Variants in UPP2 observed in about 807,000 individuals in gnomAD.
The protein encoded by UPP2 is UPase 2.
UPP2 carries 23 observed loss-of-function variants against 26.7 expected under a neutral mutation model. The ratio of observed to expected loss-of-function variants is 0.86; its 90% CI spans 0.62 to 1.22. UPP2 has a LOEUF of 1.22. Among genes scored for constraint, UPP2 ranks in the 50% most tolerant of loss-of-function variants. UPP2 has a pLI of 0.00. For missense variants in UPP2, 387 were observed against 396.7 expected (o/e 0.98, Z 0.21); for synonymous variants, 127 against 141.3 (o/e 0.90, Z 0.72).
chr2:158,049,309 T>A (rs993504939), intron 3 of UPP2, among the ~76,000 whole-genome samples: 2 of 152,140 alleles, frequency 1.3e-5, no homozygotes, highest in Non-Finnish European at 2.9e-5. Context: ...GGTGTGTGCA[T>A]CTGTCAGTGG....
At chr2:158,006,112 C>A (rs542100276) in intron 2 of UPP2, among the ~76,000 whole-genome samples, 2 of 152,276 alleles carry the variant, frequency 1.3e-5, no homozygotes, top group African/African-American at 4.8e-5. Context: ...CCTACAAACA[C>A]CATTTTATGG....
At chr2:158,050,574 G>C (rs1682135631) in intron 3 of UPP2, among the ~76,000 whole-genome samples, 1 of 152,086 alleles carries the variant, frequency 6.6e-6, no homozygotes, top group Non-Finnish European at 1.5e-5. Context: ...GAGGCGGGAA[G>C]ATCCCTTGAG....
chr2:158,090,327 C>G (rs1262987961), intron 3 of UPP2, among the ~76,000 whole-genome samples: 1 of 152,102 alleles, frequency 6.6e-6, no homozygotes, highest in Admixed American at 6.5e-5. Flanking sequence ...CGGTGAAACC[C>G]TGTCTCTACT....
At chr2:158,060,071 TTTGTG>T (rs1239253411) in intron 3 of UPP2, among the ~76,000 whole-genome samples, 7 of 152,230 alleles carry the variant, frequency 4.6e-5, no homozygotes, top group Admixed American at 4.6e-4. Flanking sequence ...CCACATCTGA[TTTGTG>T]TGTGTGCGTG....
In UPP2 at chr2:158,052,593, G is replaced by A. The variant is rs115052459; in HGVS notation, c.147+36707G>A. Among the ~76,000 whole-genome samples, 979 of 152,268 alleles carry A rather than the reference G, an allele frequency of 6.4e-3. 18 individuals are homozygous for A. The highest frequency in any genetic ancestry group is 0.022 in the African/African-American group (931 of 41,562). On this transcript the variant is annotated intron_variant, in intron 3 of 9. Coordinates refer to the UPP2 transcript ENST00000605860. ...AACAAACTTAGGAGTGACATTGGTTGCCATATATTAGCTCTGTCACTTTGA... is the reference window on the plus strand; with the variant it reads ...AACAAACTTAGGAGTGACATTGGTTACCATATATTAGCTCTGTCACTTTGA...
chr2:158,063,189 A>T (rs1329552767), intron 3 of UPP2, among the ~76,000 whole-genome samples: 1 of 151,936 alleles, frequency 6.6e-6, no homozygotes, highest in East Asian at 1.9e-4. Flanking sequence ...CACATCACTC[A>T]CCTGTCCTCT....
At chr2:158,130,355 G>C (rs1683788689) in intron 6 of UPP2, among the ~76,000 whole-genome samples, 1 of 151,796 alleles carries the variant, frequency 6.6e-6, no homozygotes, top group African/African-American at 2.4e-5. Context: ...GGAGGCTGAG[G>C]GAGGAGAATG....
Position 158,063,127 on chromosome 2 carries a change from T to C in UPP2, c.148-38913T>C, listed in dbSNP as rs191085262. Reference sequence around the variant, plus strand: ...TTTCTTGAATGATTTAACTTTTTTTTCTGAACAATTACCTTTTCTGGAGAG... The same window carrying C: ...TTTCTTGAATGATTTAACTTTTTTTCCTGAACAATTACCTTTTCTGGAGAG... On this transcript the variant is annotated intron_variant, in intron 3 of 9. Transcript: ENST00000605860. 8.1e-4 allele frequency among the ~76,000 whole-genome samples: 123 copies of C among 152,328 alleles called. No individual in the cohort carries two copies. In the East Asian group the frequency reaches 0.019, roughly 24 times the overall value.
chr2:158,061,323 C>T lies in UPP2; in HGVS notation c.148-40717C>T, dbSNP rs1398750685. 2.0e-5 allele frequency among the ~76,000 whole-genome samples: 3 copies of T among 152,304 alleles called. 1 individual carries two copies. In the Middle Eastern group the frequency reaches 0.01, roughly 518 times the overall value. On this transcript the variant is annotated intron_variant, in intron 3 of 9. Coordinates refer to the UPP2 transcript ENST00000605860. ...TTTCTCCCTCCATGCCAGTGTTCCCCTCACACAAGGCCTTAGTGTATATCT... is the reference window on the plus strand; with the variant it reads ...TTTCTCCCTCCATGCCAGTGTTCCCTTCACACAAGGCCTTAGTGTATATCT...
intron 3 of UPP2, among the ~76,000 whole-genome samples, chr2:158,034,708 T>G (rs1444606042): frequency 1.3e-5 from 2 of 152,226 alleles, no homozygotes; most frequent in African/African-American, 4.8e-5. Context: ...AGAGATTGTT[T>G]GGCACCAGTC....
chr2:158,011,536 G>A (rs527409763), intron 2 of UPP2, among the ~76,000 whole-genome samples: 41 of 152,246 alleles, frequency 2.7e-4, no homozygotes, highest in African/African-American at 9.6e-4. Flanking sequence ...ACCACCCTTT[G>A]ATCAATTGCA....
chr2:158,026,751 A>G (rs1308096973), intron 3 of UPP2, among the ~76,000 whole-genome samples: 9 of 152,170 alleles, frequency 5.9e-5, no homozygotes, highest in Admixed American at 5.2e-4. Context: ...GTCCATTTTC[A>G]TGCCGCTGAT....
At chr2:158,031,062 GA>G (rs1231621819) in intron 3 of UPP2, among the ~76,000 whole-genome samples, 6 of 151,836 alleles carry the variant, frequency 4.0e-5, no homozygotes. Flanking sequence ...TTATTTATGA[GA>G]ATAAAAATAA....
intron 2 of UPP2, among the ~76,000 whole-genome samples, chr2:158,007,939 A>G (rs373694083): frequency 6.6e-5 from 10 of 152,216 alleles, no homozygotes; most frequent in African/African-American, 1.9e-4. Context: ...ATGTATCTCT[A>G]TTTTCATTAA....
chr2:158,038,936 G>A (rs1055713070), intron 3 of UPP2, among the ~76,000 whole-genome samples: 1 of 142,146 alleles, frequency 7.0e-6, no homozygotes, highest in Non-Finnish European at 1.6e-5. Context: ...TGAGGGAAAT[G>A]CTTTCCCCTT....
chr2:158,103,361 T>C (rs1683115988), intron 1 of UPP2, among the ~76,000 whole-genome samples: 1 of 152,232 alleles, frequency 6.6e-6, no homozygotes, highest in East Asian at 1.9e-4. Context: ...CTCTGCTGGT[T>C]GGAGAATTTC....
At chr2:158,057,756 CT>C (rs546811713) in intron 3 of UPP2, among the ~76,000 whole-genome samples, 3 of 142,076 alleles carry the variant, frequency 2.1e-5, no homozygotes, top group African/African-American at 7.8e-5. Flanking sequence ...TTTTTAACTT[CT>C]TTTTTTGTTG....
At chr2:158,028,013 C>G (rs948722001) in intron 3 of UPP2, among the ~76,000 whole-genome samples, 1 of 152,214 alleles carries the variant, frequency 6.6e-6, no homozygotes, top group African/African-American at 2.4e-5. Context: ...ACCATTTTCT[C>G]CTAGGCCTCT....
chr2:158,094,768 A>G (rs1682961032), intron 3 of UPP2, among the ~76,000 whole-genome samples: 1 of 152,178 alleles, frequency 6.6e-6, no homozygotes, highest in Non-Finnish European at 1.5e-5. Context: ...GGGCAGCAGC[A>G]GTAATAATCT....
Sources: allele counts gnomAD v4.1 joint callset (sites outside exome capture counted in the v4.1 genomes callset), GRCh38; gene constraint gnomAD v4.1.1; transcripts MANE v1.5; gene names NCBI Gene and HGNC (gene_info 2026-07-23, HGNC 2026-07-21).